Variants in SH3GL2 observed in about 807,000 individuals in gnomAD.
SH3GL2 encodes the protein SH3 domain containing GRB2 like 2, endophilin A1.
A neutral mutation model predicts 46.0 loss-of-function variants in SH3GL2; 24 were observed. That is an observed-to-expected ratio of 0.52 (90% CI 0.38 to 0.73). SH3GL2 has a LOEUF of 0.73. SH3GL2 is among the 30% of genes least tolerant of loss of function. The pLI is 0.00. For synonymous variants in SH3GL2, 196 were observed against 147.1 expected (o/e 1.33, Z -2.40); for missense variants, 413 against 424.2 (o/e 0.97, Z 0.23).
At position 17,579,169 on chromosome 9, in the gene SH3GL2, GCC is replaced by G; in HGVS notation, c.-71_-70del. On this transcript the variant is annotated 5_prime_UTR_variant, in exon 1 of 9. Transcript: ENST00000380607. Reference sequence around the variant, plus strand: ...CCAGAGGCGGCCAGGGGAGCGCGCCGCCCCGCTCGGCCCTCCAGTCCCCCTCC... The same window carrying G: ...CCAGAGGCGGCCAGGGGAGCGCGCCGCCGCTCGGCCCTCCAGTCCCCCTCC... 1 of 1,142,572 alleles carries G rather than the reference GCC, an allele frequency of 8.8e-7. No homozygotes were observed. The highest frequency in any genetic ancestry group is 1.2e-6 in the Non-Finnish European group (1 of 825,184). 70.8% of individuals were successfully genotyped at this position (1,142,572 alleles called of 1,614,324 possible). A position where few individuals can be genotyped will look rare whatever the true frequency, so the allele number is the denominator to read the frequency against.
At chr9:17,747,044 C>A in intron 1 of SH3GL2, 22 bp from the exon 2 acceptor site, 1 of 1,522,502 alleles carries the variant, frequency 6.6e-7, no homozygotes, top group Non-Finnish European at 9.1e-7. Flanking sequence ...TAATAATTCT[C>A]CTTTGTGGTT....
At position 17,598,659 on chromosome 9, in the gene SH3GL2, G is replaced by C. The variant is rs1818616870; in HGVS notation, c.45+19372G>C. 1.3e-5 allele frequency among the ~76,000 whole-genome samples: 2 copies of C among 152,172 alleles called. 1 individual carries two copies. Among genetic ancestry groups the C allele is most frequent in the African/African-American group, 4.8e-5 (2 of 41,432 alleles). On this transcript the variant is annotated intron_variant, in intron 1 of 8. Transcript: ENST00000380607. ...TCCCTTTCTCTGACCTAGTAGGTTG[G>C]ATCAGGTTCCTTTTATTACATTCAC...
chr9:17,680,250 G>C (rs1014877494), intron 1 of SH3GL2, among the ~76,000 whole-genome samples: 8 of 152,172 alleles, frequency 5.3e-5, no homozygotes, highest in South Asian at 2.1e-4. Context: ...CTGTGAATCT[G>C]TCTGGTCCTG....
At chr9:17,699,172 A>G (rs1821282461) in intron 1 of SH3GL2, among the ~76,000 whole-genome samples, 1 of 150,360 alleles carries the variant, frequency 6.7e-6, no homozygotes, top group South Asian at 2.1e-4. Flanking sequence ...AAAAAAAAAA[A>G]AAAATCAAAT....
At chr9:17,727,946 A>T (rs971561178) in intron 1 of SH3GL2, among the ~76,000 whole-genome samples, 13 of 152,100 alleles carry the variant, frequency 8.5e-5, no homozygotes, top group African/African-American at 3.1e-4. Flanking sequence ...TAAGACAGAC[A>T]TGTGGGCAGT....
rs562505715 is a variant in SH3GL2 at position 17,783,512 on chromosome 9, C to T, written c.188-2869C>T. Among the ~76,000 whole-genome samples the T allele has an allele frequency of 2.6e-5, 4 of 151,968 alleles. No individual in the cohort carries two copies. The South Asian group carries it at 6.2e-4, about 24-fold the overall frequency. On this transcript the variant is annotated intron_variant, in intron 3 of 8. Coordinates refer to ENST00000380607, the MANE Select transcript of SH3GL2 (RefSeq NM_003026.5). ...TTATTCTCAGCAGAGCTTAGATCTC[C>T]CTTTGGCTGTTCCCAGAATTAGAAA... is the stretch of plus-strand genomic sequence containing the variant.
intron 1 of SH3GL2, among the ~76,000 whole-genome samples, chr9:17,635,465 G>A (rs1819522631): frequency 6.6e-6 from 1 of 152,162 alleles, no homozygotes. Flanking sequence ...GGAAGGAAGT[G>A]AAAAAGAAAG....
At chr9:17,624,663 G>T (rs187193035) in intron 1 of SH3GL2, among the ~76,000 whole-genome samples, 38 of 152,308 alleles carry the variant, frequency 2.5e-4, no homozygotes, top group African/African-American at 8.7e-4. Flanking sequence ...CTGTGTCCAT[G>T]TGGCATGTTC....
At position 17,694,059 on chromosome 9, in the gene SH3GL2, A is replaced by G. The variant is rs1182390048; in HGVS notation, c.46-53007A>G. Reference sequence around the variant, plus strand: ...GTGGCAGTGCTTCTCTCGTTTTTCTAGTTGGAAACTTTCATATTATTCAGA... The same window carrying G: ...GTGGCAGTGCTTCTCTCGTTTTTCTGGTTGGAAACTTTCATATTATTCAGA... On this transcript the variant is annotated intron_variant, in intron 1 of 8. Coordinates refer to ENST00000380607, the MANE Select transcript of SH3GL2 (RefSeq NM_003026.5). Among the ~76,000 whole-genome samples, 7 of 152,226 alleles carry G rather than the reference A, an allele frequency of 4.6e-5. No homozygotes were observed. In the South Asian group the frequency reaches 1.5e-3, roughly 32 times the overall value.
chr9:17,681,133 A>G (rs1365290359), intron 1 of SH3GL2, among the ~76,000 whole-genome samples: 3 of 152,166 alleles, frequency 2.0e-5, no homozygotes, highest in African/African-American at 7.2e-5. Flanking sequence ...CAAGGAATCA[A>G]AAAGGGGCTA....
chr9:17,615,096 T>C (rs1483197815), intron 1 of SH3GL2, among the ~76,000 whole-genome samples: 1 of 152,176 alleles, frequency 6.6e-6, no homozygotes. Flanking sequence ...GTGTGCTGCC[T>C]ACTCCCAGGT....
chr9:17,731,669 T>A (rs535753492), intron 1 of SH3GL2, among the ~76,000 whole-genome samples: 1 of 152,290 alleles, frequency 6.6e-6, no homozygotes, highest in Admixed American at 6.5e-5. Context: ...GTCTCTGGTA[T>A]TTTGTTATGA....
chr9:17,608,194 C>G (rs939567510), intron 1 of SH3GL2, among the ~76,000 whole-genome samples: 6 of 133,642 alleles, frequency 4.5e-5, no homozygotes, highest in African/African-American at 1.7e-4. Context: ...GTTGCCCAGG[C>G]TGGAGTGCAG....
chr9:17,589,090 C>T (rs935356388), intron 1 of SH3GL2: 17 of 152,150 alleles, frequency 1.1e-4, no homozygotes, highest in African/African-American at 4.1e-4. Flanking sequence ...TGCATATGTC[C>T]ATATGTACAT....
rs200396212 is a variant in SH3GL2, at chr9:17,786,347, C to G, written c.188-34C>G. ...CCCTATTTCCGCAGTGTCACATTGC[C>G]TACTCTGAAAGCTTGTTCTCTCTTC... On this transcript the variant is annotated intron_variant, in intron 3 of 8. Transcript: ENST00000380607. The G allele has an allele frequency of 1.8e-5, 29 of 1,588,904 alleles. No homozygotes were observed. In the African/African-American group the frequency reaches 3.7e-4, roughly 20 times the overall value.
intron 1 of SH3GL2, among the ~76,000 whole-genome samples, chr9:17,731,806 C>T (rs1365891829): frequency 1.3e-5 from 2 of 152,208 alleles, no homozygotes; most frequent in Middle Eastern, 6.8e-3. Context: ...TCTCTCCCTC[C>T]CTCTCTGATT....
At chr9:17,581,967 C>CCCGCA (rs1299955465) in intron 1 of SH3GL2, among the ~76,000 whole-genome samples, 2 of 152,086 alleles carry the variant, frequency 1.3e-5, no homozygotes, top group Non-Finnish European at 2.9e-5. Flanking sequence ...AGGCTGAGCC[C>CCCGCA]CCGCACCTGG....
intron 1 of SH3GL2, chr9:17,735,865 C>T: frequency 6.1e-6 from 2 of 329,880 alleles, no homozygotes; most frequent in Non-Finnish European, 8.7e-6. Flanking sequence ...TCATCTATTG[C>T]AGCAGCCTTT....
At chr9:17,789,307 T>A in intron 5 of SH3GL2, 85 bp from the exon 6 acceptor site, 4 of 1,092,346 alleles carry the variant, frequency 3.7e-6, no homozygotes, top group Non-Finnish European at 4.1e-6. Context: ...AATTTGGAAG[T>A]TAATGGACGT....
Sources: gnomAD v4.1 joint callset for allele counts (sites outside exome capture counted in the v4.1 genomes callset) on GRCh38, gnomAD v4.1.1 for gene constraint, MANE v1.5 for transcripts, NCBI Gene and HGNC (gene_info 2026-07-23, HGNC 2026-07-21) for gene names.